CNGB3: variants seen among roughly 807,000 people sequenced by gnomAD.
The protein encoded by CNGB3 is cyclic nucleotide gated channel subunit beta 3, also known as cyclic nucleotide-gated channel beta-3.
In CNGB3, 86 loss-of-function variants were observed where a neutral mutation model predicts 92.8. The observed-to-expected ratio is 0.93, with a 90% CI of 0.78 to 1.11. The LOEUF (loss-of-function observed/expected upper bound fraction) is 1.11, where lower values mean the gene tolerates loss of function less well. CNGB3 is among the 50% of genes least tolerant of loss of function. The pLI is 0.00. For missense variants in CNGB3, 1,026 were observed against 956.8 expected (o/e 1.07, Z -0.95); for synonymous variants, 333 against 332.7 (o/e 1.00, Z -0.01).
intron 10 of CNGB3, among the ~76,000 whole-genome samples, chr8:86,638,104 T>C (rs1213311287): frequency 6.6e-6 from 1 of 152,182 alleles, no homozygotes; most frequent in East Asian, 1.9e-4. Context: ...TACCACAGTT[T>C]GTTTATTTAT....
chr8:86,611,291 C>T (rs185923609), intron 14 of CNGB3, among the ~76,000 whole-genome samples: 1 of 152,216 alleles, frequency 6.6e-6, no homozygotes, highest in East Asian at 1.9e-4. Context: ...ACTTTTTCCT[C>T]CACTTTAAAT....
intron 13 of CNGB3, among the ~76,000 whole-genome samples, chr8:86,622,128 G>T (rs751451454): frequency 3.9e-5 from 6 of 152,118 alleles, no homozygotes; most frequent in African/African-American, 1.4e-4. Flanking sequence ...CCTTTTTATG[G>T]CTGATGGGTA....
intron 15 of CNGB3, among the ~76,000 whole-genome samples, chr8:86,579,801 G>T (rs1821727110): frequency 6.6e-6 from 1 of 152,160 alleles, no homozygotes; most frequent in African/African-American, 2.4e-5. Context: ...CCTGACACAT[G>T]GATGTCTTCT....
rs765331876 is a variant in CNGB3 at position 86,692,425 on chromosome 8, T to C, written c.339-21327A>G. Among the ~76,000 whole-genome samples the C allele has an allele frequency of 2.0e-5, 3 of 152,338 alleles. No homozygotes were observed. In the South Asian group the frequency reaches 6.2e-4, roughly 32 times the overall value. On this transcript the variant is annotated intron_variant, in intron 3 of 17. Coordinates refer to ENST00000320005, the MANE Select transcript of CNGB3 (RefSeq NM_019098.5). ...GGAGCTCCAGTGTTAAGTACATATA[T>C]ATTTAGGATTGTGATATTTTCCTAT... is the stretch of plus-strand genomic sequence containing the variant.
chr8:86,733,880 G>T (rs1825200520), intron 2 of CNGB3, among the ~76,000 whole-genome samples: 1 of 151,998 alleles, frequency 6.6e-6, no homozygotes, highest in African/African-American at 2.4e-5. Flanking sequence ...TTTATTTATG[G>T]TTTAAGAGAC....
chr8:86,670,976 T>G lies in CNGB3; in HGVS notation c.461A>C (p.Asp154Ala). The G allele has an allele frequency of 6.2e-7, 1 of 1,612,756 alleles. No homozygotes were observed. The change falls in exon 4 of 18, where the codon GAT (aspartate) becomes GCT (alanine). Residue 154 changes from aspartate to alanine, a missense_variant. Asp to Ala is a moderately radical substitution (Grantham distance 126, BLOSUM62 -2). Transcript: ENST00000320005. ...ALYKKKLVEG[D>A]LSSPEASPQT... ...TGGGCTGGCTTCGGGTGAGGAGAGA[T>G]CTCCCTCTACCAACTTTTTCTTGTA...
At chr8:86,666,904 C>A (rs757743418) in intron 6 of CNGB3, 21 bp downstream of exon 6, 1 of 1,593,096 alleles carries the variant, frequency 6.3e-7, no homozygotes, top group South Asian at 1.1e-5. Flanking sequence ...TCAGTTTCTG[C>A]CTTTCCCGAA....
intron 3 of CNGB3, among the ~76,000 whole-genome samples, chr8:86,675,348 C>A (rs1014209665): frequency 6.6e-6 from 1 of 152,084 alleles, no homozygotes; most frequent in African/African-American, 2.4e-5. Flanking sequence ...ACTGGGATTA[C>A]TGTTGTGAGC....
intron 3 of CNGB3, among the ~76,000 whole-genome samples, chr8:86,717,282 C>G (rs1824873329): frequency 6.6e-6 from 1 of 152,012 alleles, no homozygotes; most frequent in Non-Finnish European, 1.5e-5. Context: ...GGACTTTAGA[C>G]TGGGCGTGGT....
At chr8:86,597,445 G>T (rs754272892) in intron 15 of CNGB3, among the ~76,000 whole-genome samples, 9 of 152,204 alleles carry the variant, frequency 5.9e-5, no homozygotes, top group Non-Finnish European at 1.0e-4. Context: ...ACTAATGCAT[G>T]TATAGTTACA....
intron 14 of CNGB3, among the ~76,000 whole-genome samples, chr8:86,606,945 T>TA (rs1332652397): frequency 2.9e-4 from 44 of 152,250 alleles, no homozygotes; most frequent in Non-Finnish European, 4.4e-5. Context: ...ATGAATGAAT[T>TA]AAAAAATAAG....
intron 3 of CNGB3, among the ~76,000 whole-genome samples, chr8:86,702,475 T>C (rs987664848): frequency 2.0e-5 from 3 of 152,226 alleles, no homozygotes; most frequent in African/African-American, 7.2e-5. Context: ...TTGAGATTAT[T>C]TATTTCCCTG....
intron 2 of CNGB3, among the ~76,000 whole-genome samples, chr8:86,733,671 A>G (rs1463611543): frequency 6.6e-6 from 1 of 152,214 alleles, no homozygotes; most frequent in Non-Finnish European, 1.5e-5. Context: ...ATGTCAATCA[A>G]ACTGGTTGGT....
chr8:86,601,826 C>A (rs1319516026), intron 15 of CNGB3, among the ~76,000 whole-genome samples: 1 of 152,156 alleles, frequency 6.6e-6, no homozygotes, highest in Non-Finnish European at 1.5e-5. Context: ...CTTGAATCAA[C>A]CAAACTACTG....
chr8:86,591,755 G>C (rs1296425461), intron 15 of CNGB3, among the ~76,000 whole-genome samples: 1 of 152,212 alleles, frequency 6.6e-6, no homozygotes, highest in African/African-American at 2.4e-5. Context: ...CTGTCAGACA[G>C]GGACATTTAA....
intron 3 of CNGB3, among the ~76,000 whole-genome samples, chr8:86,685,444 A>G (rs993691681): frequency 2.0e-5 from 3 of 152,126 alleles, no homozygotes; most frequent in African/African-American, 7.2e-5. Context: ...ACATTGTTTC[A>G]TAAGAGGAGT....
intron 3 of CNGB3, among the ~76,000 whole-genome samples, chr8:86,695,862 C>A (rs1433302878): frequency 6.6e-6 from 1 of 152,148 alleles, no homozygotes; most frequent in Non-Finnish European, 1.5e-5. Flanking sequence ...TGCTCTCCCC[C>A]TTCTCTTCGA....
intron 3 of CNGB3, among the ~76,000 whole-genome samples, chr8:86,673,374 G>A (rs772652312): frequency 1.3e-5 from 2 of 152,174 alleles, no homozygotes; most frequent in Non-Finnish European, 2.9e-5. Context: ...AAAGAACATG[G>A]CATGTTCAGC....
At chr8:86,692,358 G>T (rs1412797643) in intron 3 of CNGB3, among the ~76,000 whole-genome samples, 1 of 152,224 alleles carries the variant, frequency 6.6e-6, no homozygotes, top group African/African-American at 2.4e-5. Context: ...GTTGCCATCT[G>T]TCTCATTTCT....
Sources: gnomAD v4.1 joint callset for allele counts (sites outside exome capture counted in the v4.1 genomes callset) on GRCh38, gnomAD v4.1.1 for gene constraint, MANE v1.5 for transcripts, NCBI Gene and HGNC (gene_info 2026-07-23, HGNC 2026-07-21) for gene names.